The following APP variants were observed in gnomAD, a reference collection of about 807,000 sequenced individuals.
The protein encoded by APP is amyloid beta precursor protein.
A neutral mutation model predicts 101.4 loss-of-function variants in APP; 31 were observed. The observed-to-expected ratio is 0.31, with a 90% confidence interval of 0.23 to 0.41. The LOEUF (loss-of-function observed/expected upper bound fraction) is 0.41, where lower values mean the gene tolerates loss of function less well. APP is among the 10% of genes least tolerant of loss of function. The pLI is 1.00. For synonymous variants in APP, 366 were observed against 364.4 expected (o/e 1.00, Z -0.05); for missense variants, 839 against 1,003.7 (o/e 0.84, Z 2.22).
Position 25,955,703 on chromosome 21 carries a change from T to A in APP, c.1511A>T (p.Asp504Val). The A allele has an allele frequency of 6.2e-7, 1 of 1,614,154 alleles. No homozygotes were observed. The highest frequency in any genetic ancestry group is 8.5e-7 in the Non-Finnish European group (1 of 1,180,030). Residue 504 changes from aspartate to valine, a missense_variant, in exon 12 of 18, where the codon GAC (aspartate) becomes GTC (valine). Coordinates refer to ENST00000346798, the MANE Select transcript of APP (RefSeq NM_000484.4). The stretch of plus-strand genomic sequence containing the variant: ...GAAATGCTTTAGGGTGTGCTGTCTG[T>A]CCTTCTGTTCTGCGCGGACATACTT... ...LKKYVRAEQK[D>V]RQHTLKHFEH...
chr21:25,951,557 T>C (rs1249699625), intron 13 of APP, among the ~76,000 whole-genome samples: 1 of 152,236 alleles, frequency 6.6e-6, no homozygotes, highest in Non-Finnish European at 1.5e-5. Context: ...AATTTTAGTA[T>C]GCTATTTGTA....
chr21:26,151,394 C>T (rs1027338311), intron 1 of APP, among the ~76,000 whole-genome samples: 4 of 152,336 alleles, frequency 2.6e-5, no homozygotes, highest in African/African-American at 9.6e-5. Context: ...CGAGCAATCA[C>T]AGAACCATTA....
At chr21:26,120,010 T>G (rs1172980787) in intron 1 of APP, among the ~76,000 whole-genome samples, 1 of 152,226 alleles carries the variant, frequency 6.6e-6, no homozygotes, top group Non-Finnish European at 1.5e-5. Context: ...GTACAAGAGA[T>G]ATTCTACATA....
chr21:26,012,435 T>TA (rs1206274942), intron 6 of APP, among the ~76,000 whole-genome samples: 3 of 152,216 alleles, frequency 2.0e-5, no homozygotes, highest in African/African-American at 7.2e-5. Flanking sequence ...CTTGACTTTT[T>TA]ACTCTTCTAC....
At chr21:25,897,132 CTT>C (rs969514799) in intron 16 of APP, among the ~76,000 whole-genome samples, 1 of 144,870 alleles carries the variant, frequency 6.9e-6, no homozygotes, top group Non-Finnish European at 1.5e-5. Flanking sequence ...TCTTTCTTTT[CTT>C]TTTTTTTTTT....
chr21:25,938,399 T>C (rs2040439452), intron 13 of APP, among the ~76,000 whole-genome samples: 1 of 152,134 alleles, frequency 6.6e-6, no homozygotes, highest in Admixed American at 6.5e-5. Flanking sequence ...GAGTTGTCTC[T>C]AAATACATTC....
intron 1 of APP, among the ~76,000 whole-genome samples, chr21:26,155,638 G>C (rs962018538): frequency 6.6e-6 from 1 of 152,180 alleles, no homozygotes; most frequent in Non-Finnish European, 1.5e-5. Context: ...TTAAAACCAT[G>C]CTTTTGTTTT....
chr21:25,892,012 C>T, intron 16 of APP, 144 bp from the exon 17 acceptor site: 1 of 731,320 alleles, frequency 1.4e-6, no homozygotes, highest in Non-Finnish European at 2.2e-6. Context: ...ATATTCTCTG[C>T]CCAACTGGTT....
intron 1 of APP, among the ~76,000 whole-genome samples, chr21:26,167,362 T>C (rs1282134394): frequency 6.6e-6 from 1 of 152,214 alleles, no homozygotes; most frequent in African/African-American, 2.4e-5. Context: ...ATCTTTACAT[T>C]TGTAATTGAT....
intron 13 of APP, among the ~76,000 whole-genome samples, chr21:25,932,619 A>G (rs1054185975): frequency 2.0e-5 from 3 of 152,176 alleles, no homozygotes; most frequent in African/African-American, 7.2e-5. Flanking sequence ...GAAAATTTAC[A>G]CAAAATTCTA....
intron 15 of APP, among the ~76,000 whole-genome samples, chr21:25,903,685 C>A (rs2038633619): frequency 6.6e-6 from 1 of 152,150 alleles, no homozygotes; most frequent in Non-Finnish European, 1.5e-5. Flanking sequence ...CTGAGCAGAA[C>A]AGGAATGTCA....
At chr21:26,058,003 G>C (rs2046110526) in intron 3 of APP, among the ~76,000 whole-genome samples, 1 of 152,146 alleles carries the variant, frequency 6.6e-6, no homozygotes, top group African/African-American at 2.4e-5. Flanking sequence ...TCAAACCGTG[G>C]CTTAAACACA....
chr21:25,939,950 G>C (rs1040785590), intron 13 of APP, among the ~76,000 whole-genome samples: 1 of 152,102 alleles, frequency 6.6e-6, no homozygotes, highest in African/African-American at 2.4e-5. Flanking sequence ...AATTATATAG[G>C]AATTAAGAAC....
intron 13 of APP, among the ~76,000 whole-genome samples, chr21:25,951,558 G>A (rs888576305): frequency 3.9e-5 from 6 of 152,064 alleles, no homozygotes; most frequent in African/African-American, 1.4e-4. Context: ...ATTTTAGTAT[G>A]CTATTTGTAC....
chr21:26,017,944 CTTTTAT>C (rs374563509), intron 6 of APP, among the ~76,000 whole-genome samples: 1,995 of 152,184 alleles, frequency 0.013, 27 homozygotes, highest in Non-Finnish European at 0.02. Context: ...CGTGTGCTCA[CTTTTAT>C]TTTTATTTTT....
chr21:26,095,248 G>A (rs2061916270), intron 2 of APP, among the ~76,000 whole-genome samples: 1 of 152,176 alleles, frequency 6.6e-6, no homozygotes, highest in Admixed American at 6.5e-5. Flanking sequence ...CAAAGTACCA[G>A]GATTACAGGC....
intron 6 of APP, among the ~76,000 whole-genome samples, chr21:26,015,450 C>T (rs1042750071): frequency 6.6e-6 from 1 of 152,148 alleles, no homozygotes; most frequent in African/African-American, 2.4e-5. Context: ...TTGATTTATA[C>T]AAATTTACAC....
chr21:25,957,348 T>C lies in APP; in HGVS notation c.1459-1593A>G, dbSNP rs543617030. Among the ~76,000 whole-genome samples the C allele has an allele frequency of 6.6e-5, 10 of 151,978 alleles. No individual in the cohort carries two copies. In the South Asian group the frequency reaches 1.2e-3, roughly 19 times the overall value. Reference sequence around the variant, plus strand: ...TATATATTGAAAAGAGGATAGGTTATACATGTGAATTAAAAAAAAAGAACA... The same window carrying C: ...TATATATTGAAAAGAGGATAGGTTACACATGTGAATTAAAAAAAAAGAACA... On this transcript the variant is annotated intron_variant, in intron 11 of 17. Coordinates refer to ENST00000346798, the MANE Select transcript of APP (RefSeq NM_000484.4).
chr21:26,135,603 T>C (rs933754892), intron 1 of APP, among the ~76,000 whole-genome samples: 1 of 152,170 alleles, frequency 6.6e-6, no homozygotes, highest in African/African-American at 2.4e-5. Flanking sequence ...TTAGCCTTAT[T>C]ATCTCAAACT....
Sources: allele counts gnomAD v4.1 joint callset (sites outside exome capture counted in the v4.1 genomes callset), GRCh38; gene constraint gnomAD v4.1.1; transcripts MANE v1.5; gene names NCBI Gene and HGNC (gene_info 2026-07-23, HGNC 2026-07-21).